SLC12A8: variants seen among roughly 807,000 people sequenced by gnomAD.
SLC12A8 encodes the protein solute carrier family 12 member 8, also known as cation-chloride cotransporter 9.
SLC12A8 carries 69 observed loss-of-function variants against 75.6 expected under a neutral mutation model. The ratio of observed to expected loss-of-function variants is 0.91; its 90% CI spans 0.75 to 1.11. SLC12A8 has a LOEUF of 1.11. Among genes scored for constraint, SLC12A8 ranks in the 50% most tolerant of loss-of-function variants. The pLI is 0.00. For missense variants in SLC12A8, 877 were observed against 896.7 expected (o/e 0.98, Z 0.28); for synonymous variants, 365 against 372.8 (o/e 0.98, Z 0.24).
At chr3:125,086,688 AC>A (rs1381554480) in intron 13 of SLC12A8, among the ~76,000 whole-genome samples, 1 of 152,152 alleles carries the variant, frequency 6.6e-6, no homozygotes, top group East Asian at 1.9e-4. Context: ...GACCTGGCTC[AC>A]CCAACCTTGT....
intron 6 of SLC12A8, chr3:125,123,653 T>G (rs926143365): frequency 1.3e-5 from 2 of 151,868 alleles, no homozygotes; most frequent in African/African-American, 2.4e-5. Flanking sequence ...TATAAAACCA[T>G]CAGATCTCGT....
intron 2 of SLC12A8, among the ~76,000 whole-genome samples, chr3:125,203,787 G>A (rs1190200554): frequency 6.6e-6 from 1 of 152,198 alleles, no homozygotes; most frequent in Non-Finnish European, 1.5e-5. Flanking sequence ...AAACAGTAGA[G>A]TGAAAAGACA....
intron 10 of SLC12A8, among the ~76,000 whole-genome samples, chr3:125,101,236 G>A (rs770318940): frequency 1.3e-5 from 2 of 152,156 alleles, no homozygotes; most frequent in Admixed American, 6.5e-5. Flanking sequence ...TTTATCATCT[G>A]TAGAAAGACA....
chr3:125,201,702 G>GAAAA (rs141256499), intron 2 of SLC12A8, among the ~76,000 whole-genome samples: 5 of 95,568 alleles, frequency 5.2e-5, no homozygotes, highest in Non-Finnish European at 8.6e-5. Flanking sequence ...AGCCATGATT[G>GAAAA]AAAAAAAAAA....
chr3:125,083,838 G>C lies in SLC12A8; in HGVS notation c.*52C>G, dbSNP rs371525464. ...GCAGCTCCACGAAGGTCCTGAGCTT[G>C]GGTCCACTGTACATGGGACAGCTCC... On this transcript the variant is annotated 3_prime_UTR_variant, in exon 14 of 14. Transcript: ENST00000469902. The C allele has an allele frequency of 8.3e-6, 13 of 1,559,270 alleles. No individual in the cohort carries two copies. In the South Asian group the frequency reaches 1.3e-4, roughly 16 times the overall value.
chr3:125,148,296 G>A (rs1933835464), intron 5 of SLC12A8, among the ~76,000 whole-genome samples: 1 of 152,212 alleles, frequency 6.6e-6, no homozygotes. Flanking sequence ...CTGGGGTGTG[G>A]GCACCTATGT....
chr3:125,180,065 G>C (rs936613661), intron 4 of SLC12A8, among the ~76,000 whole-genome samples: 1 of 151,870 alleles, frequency 6.6e-6, no homozygotes, highest in Non-Finnish European at 1.5e-5. Context: ...ATTTGCTCAC[G>C]CAATGTGAGC....
At chr3:125,098,554 C>CCCCACACA (rs369641047) in intron 10 of SLC12A8, among the ~76,000 whole-genome samples, 1 of 143,920 alleles carries the variant, frequency 6.9e-6, no homozygotes, top group African/African-American at 2.6e-5. Context: ...TGAATCTTCT[C>CCCCACACA]CACACACACA....
At position 125,206,467 on chromosome 3, in the gene SLC12A8, T is replaced by A. The variant is rs140855158; in HGVS notation, c.51+4832A>T. Among the ~76,000 whole-genome samples, 265 of 152,284 alleles carry A rather than the reference T, an allele frequency of 1.7e-3. 1 individual carries two copies. The highest frequency in any genetic ancestry group is 5.8e-3 in the African/African-American group (243 of 41,552). On this transcript the variant is annotated intron_variant, in intron 2 of 13. Coordinates refer to ENST00000469902, the MANE Select transcript of SLC12A8 (RefSeq NM_024628.6). Reference sequence around the variant, plus strand: ...GAAGATCTCTGAGGACTCCTCCATGTCTTGATTGTTTGGTTCTATTTCTAT... The same window carrying A: ...GAAGATCTCTGAGGACTCCTCCATGACTTGATTGTTTGGTTCTATTTCTAT...
chr3:125,102,742 G>C (rs1442417726), intron 10 of SLC12A8, among the ~76,000 whole-genome samples: 1 of 152,034 alleles, frequency 6.6e-6, no homozygotes, highest in Admixed American at 6.6e-5. Context: ...CCAATGAGAA[G>C]ACAGAAAAGG....
intron 10 of SLC12A8, among the ~76,000 whole-genome samples, chr3:125,100,780 G>A (rs866149776): frequency 2.0e-5 from 3 of 149,354 alleles, no homozygotes; most frequent in South Asian, 2.1e-4. Context: ...TTGGGAGGCC[G>A]AGGTGGGTGG....
intron 10 of SLC12A8, among the ~76,000 whole-genome samples, chr3:125,095,498 C>T (rs1164903570): frequency 1.3e-5 from 2 of 152,212 alleles, no homozygotes; most frequent in Admixed American, 1.3e-4. Context: ...GCAGCGGGCT[C>T]CTGTGGTACA....
intron 5 of SLC12A8, among the ~76,000 whole-genome samples, chr3:125,157,766 G>C (rs1209414962): frequency 6.6e-6 from 1 of 152,126 alleles, no homozygotes; most frequent in Non-Finnish European, 1.5e-5. Context: ...AGACATCTCA[G>C]AAACCCCAAG....
rs1481694110 is a variant in SLC12A8 at position 125,185,315 on chromosome 3, C to T, written c.390+1922G>A. Reference sequence around the variant, plus strand: ...AGCCTGGGAAACAAGAGCAAAACGGCGTCTCAAAAACAAAAAACAAAAAAC... The same window carrying T: ...AGCCTGGGAAACAAGAGCAAAACGGTGTCTCAAAAACAAAAAACAAAAAAC... On this transcript the variant is annotated intron_variant, in intron 4 of 13. Coordinates refer to ENST00000469902, the MANE Select transcript of SLC12A8 (RefSeq NM_024628.6). 4.7e-5 allele frequency among the ~76,000 whole-genome samples: 7 copies of T among 148,708 alleles called. No homozygotes were observed. The East Asian group carries it at 9.8e-4, about 21-fold the overall frequency.
At chr3:125,211,018 ACTGT>A (rs60013053) in intron 2 of SLC12A8, among the ~76,000 whole-genome samples, 97,715 of 151,682 alleles carry the variant, frequency 0.64, 33,619 homozygotes, top group African/African-American at 0.9. Flanking sequence ...CCTCACTGTG[ACTGT>A]CTGTGGAAGA....
chr3:125,175,674 C>T (rs1029517613), intron 5 of SLC12A8, among the ~76,000 whole-genome samples: 6 of 151,698 alleles, frequency 4.0e-5, no homozygotes, highest in Non-Finnish European at 7.4e-5. Context: ...TCTGTCTTTC[C>T]TTCACTGACA....
chr3:125,163,998 G>C (rs1342879306), intron 5 of SLC12A8, among the ~76,000 whole-genome samples: 3 of 152,196 alleles, frequency 2.0e-5, no homozygotes, highest in Non-Finnish European at 4.4e-5. Flanking sequence ...TGTTCCTGGT[G>C]GCACTGGGGA....
intron 5 of SLC12A8, among the ~76,000 whole-genome samples, chr3:125,165,576 C>T (rs1934267895): frequency 6.6e-6 from 1 of 152,224 alleles, no homozygotes; most frequent in South Asian, 2.1e-4. Context: ...AGGAGGATAA[C>T]AGAGCCCCAT....
At chr3:125,130,392 G>A (rs1933322456) in intron 6 of SLC12A8, among the ~76,000 whole-genome samples, 1 of 151,848 alleles carries the variant, frequency 6.6e-6, no homozygotes. Context: ...AAGAGTTCGA[G>A]ACCACCCTGG....
Sources: allele counts gnomAD v4.1 joint callset (sites outside exome capture counted in the v4.1 genomes callset), GRCh38; gene constraint gnomAD v4.1.1; transcripts MANE v1.5; gene names NCBI Gene and HGNC (gene_info 2026-07-23, HGNC 2026-07-21).